PTPRK: variants seen among roughly 807,000 people sequenced by gnomAD.
The protein encoded by PTPRK is protein tyrosine phosphatase receptor type K.
Under a neutral mutation model 178.0 loss-of-function variants are expected in PTPRK, and 75 were observed. That is an observed-to-expected ratio of 0.42 (90% CI 0.35 to 0.51). PTPRK has a LOEUF of 0.51. Ranked by LOEUF, PTPRK falls within the 20% of genes least tolerant of loss-of-function variation. PTPRK has a pLI of 0.02. For missense variants in PTPRK, 1,441 were observed against 1,797.8 expected, an observed-to-expected ratio of 0.80 and a Z score of 3.59; for synonymous variants, 637 against 620.6, an observed-to-expected ratio of 1.03 and a Z score of -0.39.
At chr6:128,337,847 A>T (rs552504686) in intron 2 of PTPRK, among the ~76,000 whole-genome samples, 93 of 152,312 alleles carry the variant, frequency 6.1e-4, no homozygotes, top group Non-Finnish European at 9.8e-4. Context: ...CTGAGCTGTG[A>T]CCTGAAGAAT....
At chr6:128,069,159 TTTC>T (rs141917767) in intron 11 of PTPRK, among the ~76,000 whole-genome samples, 5,089 of 152,200 alleles carry the variant, frequency 0.033, 274 homozygotes, top group African/African-American at 0.12. Context: ...AATTACAGAT[TTTC>T]TTTTCTTCCT....
chr6:128,200,392 A>C (rs748301759), intron 6 of PTPRK, among the ~76,000 whole-genome samples: 1 of 152,122 alleles, frequency 6.6e-6, no homozygotes, highest in Non-Finnish European at 1.5e-5. Flanking sequence ...ATCCCTACTT[A>C]AGATACAAAT....
chr6:128,288,804 T>G (rs949970322), intron 3 of PTPRK, among the ~76,000 whole-genome samples: 1 of 152,162 alleles, frequency 6.6e-6, no homozygotes, highest in Non-Finnish European at 1.5e-5. Flanking sequence ...TATAATTTAG[T>G]GGAACCTAGC....
chr6:128,198,897 A>G (rs1805404846), intron 6 of PTPRK, among the ~76,000 whole-genome samples: 2 of 152,208 alleles, frequency 1.3e-5, no homozygotes, highest in African/African-American at 4.8e-5. Context: ...AGTGCAATCA[A>G]TATTTGTTGA....
intron 3 of PTPRK, among the ~76,000 whole-genome samples, chr6:128,293,524 T>C (rs1016311265): frequency 6.6e-6 from 1 of 152,114 alleles, no homozygotes; most frequent in African/African-American, 2.4e-5. Flanking sequence ...ATAGCAATAG[T>C]GATCCTCTAC....
At chr6:128,215,263 A>G (rs1809058464) in intron 6 of PTPRK, among the ~76,000 whole-genome samples, 2 of 152,214 alleles carry the variant, frequency 1.3e-5, no homozygotes, top group African/African-American at 4.8e-5. Context: ...GTTTAGACAG[A>G]TGGAAACAGA....
intron 13 of PTPRK, among the ~76,000 whole-genome samples, chr6:128,060,180 A>C (rs1238243179): frequency 6.6e-6 from 1 of 152,228 alleles, no homozygotes. Flanking sequence ...AGAATAATTC[A>C]AAATGCTGGG....
intron 21 of PTPRK, among the ~76,000 whole-genome samples, chr6:127,990,228 G>T (rs1776451026): frequency 6.6e-6 from 1 of 151,846 alleles, no homozygotes; most frequent in African/African-American, 2.4e-5. Context: ...TTCACTTATG[G>T]ATATCTGCAC....
chr6:128,181,641 G>C (rs924948482), intron 7 of PTPRK, among the ~76,000 whole-genome samples: 13 of 151,986 alleles, frequency 8.6e-5, no homozygotes, highest in African/African-American at 3.1e-4. Context: ...TTTGCAATCT[G>C]TACTAAAATT....
intron 13 of PTPRK, among the ~76,000 whole-genome samples, chr6:128,059,085 G>A (rs977396250): frequency 6.6e-6 from 1 of 151,976 alleles, no homozygotes; most frequent in Non-Finnish European, 1.5e-5. Flanking sequence ...TATTGGCCTT[G>A]ATAACATCCA....
At chr6:128,474,090 C>A (rs1851072102) in intron 1 of PTPRK, among the ~76,000 whole-genome samples, 2 of 151,938 alleles carry the variant, frequency 1.3e-5, no homozygotes, top group African/African-American at 4.8e-5. Context: ...TGTAAGATCA[C>A]TGCCAGTGTT....
At chr6:128,011,743 A>G (rs1218584465) in intron 13 of PTPRK, among the ~76,000 whole-genome samples, 1 of 151,216 alleles carries the variant, frequency 6.6e-6, no homozygotes, top group East Asian at 1.9e-4. Flanking sequence ...TAATATAGAT[A>G]GGTTAATGAA....
At chr6:128,154,799 T>C (rs1438633141) in intron 7 of PTPRK, among the ~76,000 whole-genome samples, 1 of 151,810 alleles carries the variant, frequency 6.6e-6, no homozygotes, top group Non-Finnish European at 1.5e-5. Flanking sequence ...CAGGTAGAGG[T>C]ACAAACCTAT....
At chr6:128,213,604 A>G (rs1217049409) in intron 6 of PTPRK, among the ~76,000 whole-genome samples, 1 of 152,068 alleles carries the variant, frequency 6.6e-6, no homozygotes, top group African/African-American at 2.4e-5. Flanking sequence ...AAGGATCTTT[A>G]TATGAATTCA....
intron 3 of PTPRK, among the ~76,000 whole-genome samples, chr6:128,294,294 A>C (rs559865768): frequency 3.4e-4 from 51 of 152,146 alleles, no homozygotes; most frequent in African/African-American, 9.6e-4. Context: ...TAAGGTGTCC[A>C]TTATTGATTA....
chr6:128,432,006 G>T (rs1402413250), intron 1 of PTPRK, among the ~76,000 whole-genome samples: 1 of 152,120 alleles, frequency 6.6e-6, no homozygotes, highest in Non-Finnish European at 1.5e-5. Flanking sequence ...AAGAAAAAAA[G>T]TGAGGGAAGA....
intron 2 of PTPRK, among the ~76,000 whole-genome samples, chr6:128,345,314 G>A (rs1010161507): frequency 1.3e-5 from 2 of 152,078 alleles, no homozygotes; most frequent in African/African-American, 4.8e-5. Context: ...GCAAAAAGAT[G>A]CACTTTTGTT....
intron 7 of PTPRK, among the ~76,000 whole-genome samples, chr6:128,102,778 C>T (rs992547067): frequency 9.9e-5 from 15 of 152,206 alleles, no homozygotes; most frequent in East Asian, 1.9e-4. Flanking sequence ...TCTCCAAATC[C>T]GAGCTAATGT....
intron 7 of PTPRK, among the ~76,000 whole-genome samples, chr6:128,119,666 C>A (rs1792133466): frequency 6.6e-6 from 1 of 152,006 alleles, no homozygotes; most frequent in Non-Finnish European, 1.5e-5. Flanking sequence ...CTGTTGTATA[C>A]AGGTTTCTCA....
Sources: gnomAD v4.1 joint callset for allele counts (sites outside exome capture counted in the v4.1 genomes callset) on GRCh38, gnomAD v4.1.1 for gene constraint, MANE v1.5 for transcripts, NCBI Gene and HGNC (gene_info 2026-07-23, HGNC 2026-07-21) for gene names.